SLC2A13: variants seen among roughly 807,000 people sequenced by gnomAD.
The protein encoded by SLC2A13 is proton myo-inositol cotransporter.
A neutral mutation model predicts 64.4 loss-of-function variants in SLC2A13; 32 were observed. The observed-to-expected ratio is 0.50, with a 90% confidence interval of 0.37 to 0.67. The LOEUF is 0.67. Ranked by LOEUF, SLC2A13 falls within the 30% of genes least tolerant of loss-of-function variation. The pLI is 0.00. For missense variants in SLC2A13, 743 were observed against 829.2 expected, an observed-to-expected ratio of 0.90 and a Z score of 1.28; for synonymous variants, 338 against 327.1, an observed-to-expected ratio of 1.03 and a Z score of -0.36.
At chr12:39,971,537 T>C (rs1002443483) in intron 3 of SLC2A13, among the ~76,000 whole-genome samples, 10 of 152,206 alleles carry the variant, frequency 6.6e-5, no homozygotes, top group African/African-American at 2.4e-4. Flanking sequence ...TCTGGGTGGA[T>C]GAAAGGCTCT....
chr12:39,899,102 A>G (rs567369398), intron 4 of SLC2A13, among the ~76,000 whole-genome samples: 3 of 152,014 alleles, frequency 2.0e-5, no homozygotes, highest in Non-Finnish European at 4.4e-5. Flanking sequence ...CTGTGAATCC[A>G]TCTGGTCCTG....
chr12:39,861,711 AT>A (rs1039246803), intron 6 of SLC2A13, among the ~76,000 whole-genome samples: 1 of 152,196 alleles, frequency 6.6e-6, no homozygotes, highest in African/African-American at 2.4e-5. Flanking sequence ...AAGATATATG[AT>A]TCAGATGATA....
At chr12:39,998,743 G>A (rs1182468505) in intron 3 of SLC2A13, among the ~76,000 whole-genome samples, 1 of 152,180 alleles carries the variant, frequency 6.6e-6, no homozygotes, top group Non-Finnish European at 1.5e-5. Context: ...AGTTAATGCT[G>A]AGATGAGTTA....
intron 3 of SLC2A13, among the ~76,000 whole-genome samples, chr12:40,002,063 T>C (rs1947329251): frequency 6.6e-6 from 1 of 152,164 alleles, no homozygotes; most frequent in Non-Finnish European, 1.5e-5. Context: ...AACTAACAAC[T>C]GAAATTAAGG....
chr12:39,951,393 A>G (rs747664851), intron 3 of SLC2A13, 28 bp from the exon 4 acceptor site: 8 of 1,544,264 alleles, frequency 5.2e-6, no homozygotes, highest in Non-Finnish European at 7.0e-6. Flanking sequence ...GAAAAAAAAA[A>G]TACAACTATT....
intron 3 of SLC2A13, among the ~76,000 whole-genome samples, chr12:39,993,876 G>A (rs992071845): frequency 6.6e-6 from 1 of 152,102 alleles, no homozygotes; most frequent in Non-Finnish European, 1.5e-5. Context: ...ACACGTATTT[G>A]TTTCTTATCT....
At chr12:40,078,299 C>A (rs1180596945) in intron 1 of SLC2A13, among the ~76,000 whole-genome samples, 1 of 152,090 alleles carries the variant, frequency 6.6e-6, no homozygotes, top group Non-Finnish European at 1.5e-5. Flanking sequence ...TCATAAATGG[C>A]TCTTATTATT....
Position 39,795,814 on chromosome 12 carries a change from G to C in SLC2A13, c.1446-30956C>G, listed in dbSNP as rs543539676. 2.0e-5 allele frequency among the ~76,000 whole-genome samples: 3 copies of C among 152,278 alleles called. No homozygotes were observed. The East Asian group carries it at 5.8e-4, about 29-fold the overall frequency. ...GTCCTGCTCTATCCAAGCCATGGCTGAGGGAGGAAACTTCCTTGCTGTCCT... is the reference window on the plus strand; with the variant it reads ...GTCCTGCTCTATCCAAGCCATGGCTCAGGGAGGAAACTTCCTTGCTGTCCT... On this transcript the variant is annotated intron_variant, in intron 7 of 9. Transcript: ENST00000280871.
chr12:39,824,280 C>T (rs1212868995), intron 7 of SLC2A13, among the ~76,000 whole-genome samples: 1 of 152,166 alleles, frequency 6.6e-6, no homozygotes, highest in African/African-American at 2.4e-5. Flanking sequence ...CCAATGTGGT[C>T]TGATTCACAT....
chr12:39,843,531 G>C (rs1022992510), intron 6 of SLC2A13, among the ~76,000 whole-genome samples: 1 of 152,070 alleles, frequency 6.6e-6, no homozygotes, highest in Non-Finnish European at 1.5e-5. Context: ...TCCATTTCAA[G>C]GTAGATAGAG....
chr12:40,105,649 C>A lies in SLC2A13; in HGVS notation c.160G>T (p.Ala54Ser), dbSNP rs1939286443. The change falls in exon 1 of 10, where the codon GCG (alanine) becomes TCG (serine). Residue 54 changes from alanine (A) to serine (S), a missense_variant. Coordinates refer to ENST00000280871, the MANE Select transcript of SLC2A13 (RefSeq NM_052885.4). This position sits in a 1 kb window ranked among gnomAD's most constrained non-coding sequence, Gnocchi z 4.2. Reference sequence around the variant, plus strand: ...CCGACGCCGCCGCCGCCCGCGCCCGCGCTCTGCAGGCTGGTGCTCGATTCG... The same window carrying A: ...CCGACGCCGCCGCCGCCCGCGCCCGAGCTCTGCAGGCTGGTGCTCGATTCG... ...AAESSTSLQS[A>S]GAGGGGVGDL... 1.3e-6 allele frequency: 2 copies of A among 1,491,102 alleles called. No homozygotes were observed. Among genetic ancestry groups the A allele is most frequent in the Non-Finnish European group, 1.8e-6 (2 of 1,123,836 alleles). 92.4% of individuals were successfully genotyped at this position (1,491,102 alleles called of 1,614,324 possible).
chr12:40,024,877 C>G (rs746858201), intron 3 of SLC2A13, among the ~76,000 whole-genome samples: 2 of 152,074 alleles, frequency 1.3e-5, no homozygotes, highest in Non-Finnish European at 2.9e-5. Flanking sequence ...GAAACTGAGG[C>G]GCGGCAACTC....
intron 4 of SLC2A13, among the ~76,000 whole-genome samples, chr12:39,942,429 CT>C (rs1291976632): frequency 3.9e-5 from 6 of 152,226 alleles, no homozygotes; most frequent in Admixed American, 3.9e-4. Flanking sequence ...CTTTCAACCC[CT>C]TTGTTAGGTA....
chr12:39,868,374 T>C (rs1943959918), intron 5 of SLC2A13, among the ~76,000 whole-genome samples: 1 of 152,204 alleles, frequency 6.6e-6, no homozygotes, highest in South Asian at 2.1e-4. Flanking sequence ...AGGTACAGTG[T>C]TTGGCTTATT....
At chr12:39,837,305 G>A (rs1401261034) in intron 6 of SLC2A13, among the ~76,000 whole-genome samples, 2 of 147,850 alleles carry the variant, frequency 1.4e-5, no homozygotes, top group Non-Finnish European at 3.0e-5. Context: ...AGCTGAAACT[G>A]GATCCCTTCC....
chr12:39,905,930 G>A (rs1945263009), intron 4 of SLC2A13, among the ~76,000 whole-genome samples: 1 of 151,384 alleles, frequency 6.6e-6, no homozygotes, highest in Non-Finnish European at 1.5e-5. Context: ...AAAAATTTCT[G>A]TCAGGTTACA....
chr12:40,027,336 A>G (rs887694586), intron 3 of SLC2A13, among the ~76,000 whole-genome samples: 1 of 152,190 alleles, frequency 6.6e-6, no homozygotes, highest in African/African-American at 2.4e-5. Flanking sequence ...TGAACTTCAC[A>G]TAGAATGGGC....
At chr12:39,856,987 T>G (rs982505065) in intron 6 of SLC2A13, among the ~76,000 whole-genome samples, 5 of 152,214 alleles carry the variant, frequency 3.3e-5, no homozygotes, top group Admixed American at 6.5e-5. Flanking sequence ...CCTGGATAGT[T>G]TATTTCATTT....
Position 39,997,000 on chromosome 12 carries a change from A to G in SLC2A13, c.925+31301T>C, listed in dbSNP as rs185883685. ...AATTCAATGCAATTCCAATCAAAATACCACCATCATTCTTCACAGAGTTAG... is the reference window on the plus strand; with the variant it reads ...AATTCAATGCAATTCCAATCAAAATGCCACCATCATTCTTCACAGAGTTAG... On this transcript the variant is annotated intron_variant, in intron 3 of 9. Transcript: ENST00000280871. Among the ~76,000 whole-genome samples the G allele has an allele frequency of 2.1e-3, 325 of 152,252 alleles. 3 individuals carry two copies. The highest frequency in any genetic ancestry group is 7.3e-3 in the African/African-American group (303 of 41,536).
Sources: allele counts gnomAD v4.1 joint callset (sites outside exome capture counted in the v4.1 genomes callset), GRCh38; gene constraint gnomAD v4.1.1; non-coding constraint Gnocchi (gnomAD v3.1); transcripts MANE v1.5; gene names NCBI Gene and HGNC (gene_info 2026-07-23, HGNC 2026-07-21).